Variants in DDX10 observed in about 807,000 individuals in gnomAD.
DDX10 encodes the protein probable ATP-dependent RNA helicase DDX10.
DDX10 carries 74 observed loss-of-function variants against 104.3 expected under a neutral mutation model. The observed-to-expected ratio is 0.71, with a 90% CI of 0.59 to 0.86. The LOEUF (loss-of-function observed/expected upper bound fraction) is 0.86. Ranked by LOEUF, DDX10 falls within the 40% of genes least tolerant of loss-of-function variation. DDX10 has a pLI of 0.00. For missense variants in DDX10, 952 were observed against 1,040.0 expected (o/e 0.92, Z 1.16); for synonymous variants, 351 against 353.4 (o/e 0.99, Z 0.08).
intron 16 of DDX10, among the ~76,000 whole-genome samples, chr11:108,889,193 T>A (rs562952968): frequency 6.6e-6 from 1 of 152,328 alleles, no homozygotes; most frequent in Non-Finnish European, 1.5e-5. Flanking sequence ...AGAATAAAGC[T>A]GAAATCTGTA....
intron 13 of DDX10, among the ~76,000 whole-genome samples, chr11:108,825,498 G>A (rs1315624243): frequency 1.3e-5 from 2 of 152,108 alleles, no homozygotes; most frequent in African/African-American, 2.4e-5. Context: ...ATCAATAGAG[G>A]TTTTGCCTTA....
chr11:108,673,658 A>G (rs767810604), intron 2 of DDX10, 131 bp downstream of exon 2: 2 of 632,732 alleles, frequency 3.2e-6, no homozygotes, highest in Non-Finnish European at 5.6e-6. Flanking sequence ...ACCAATGAAA[A>G]TAAGCAATAT....
chr11:108,853,867 A>T (rs1862829014), intron 16 of DDX10, among the ~76,000 whole-genome samples: 1 of 152,216 alleles, frequency 6.6e-6, no homozygotes, highest in South Asian at 2.1e-4. Flanking sequence ...TGTAACCACT[A>T]AGCATCGGAC....
At position 108,730,325 on chromosome 11, in the gene DDX10, A is replaced by G. The variant is rs570442117; in HGVS notation, c.1965+6863A>G. Reference sequence around the variant, plus strand: ...AGACAGGTTTTCCCTTATGACTGAAAGTCTCGTAGAAAAGTGACAACTCGG... The same window carrying G: ...AGACAGGTTTTCCCTTATGACTGAAGGTCTCGTAGAAAAGTGACAACTCGG... On this transcript the variant is annotated intron_variant, in intron 13 of 17. Transcript: ENST00000322536. Among the ~76,000 whole-genome samples, 42 of 152,360 alleles carry G rather than the reference A, an allele frequency of 2.8e-4. No individual in the cohort carries two copies. In the South Asian group the frequency reaches 8.5e-3, roughly 31 times the overall value.
At chr11:108,791,190 G>C (rs1861866402) in intron 13 of DDX10, among the ~76,000 whole-genome samples, 1 of 152,204 alleles carries the variant, frequency 6.6e-6, no homozygotes, top group African/African-American at 2.4e-5. Context: ...CTACCATGCT[G>C]TGGGAAAAAG....
chr11:108,867,088 G>A (rs1001938904), intron 16 of DDX10, among the ~76,000 whole-genome samples: 3 of 152,050 alleles, frequency 2.0e-5, no homozygotes, highest in Non-Finnish European at 2.9e-5. Context: ...CAATAAGTGG[G>A]GTCAAATGTG....
chr11:108,717,331 C>T lies in DDX10; in HGVS notation c.1410+1365C>T, dbSNP rs550771675. ...TTTTTTTGTTTGTTTGTTTTTGATA[C>T]GCAGTTTCGCTTTTATTATCCAGGC... On this transcript the variant is annotated intron_variant, in intron 11 of 17. Transcript: ENST00000322536. Among the ~76,000 whole-genome samples the T allele has an allele frequency of 1.9e-3, 291 of 152,278 alleles. 1 individual carries two copies. Among genetic ancestry groups the T allele is most frequent in the Non-Finnish European group, 3.8e-3 (258 of 68,024 alleles).
intron 12 of DDX10, among the ~76,000 whole-genome samples, chr11:108,720,327 A>G (rs186579528): frequency 2.3e-3 from 349 of 152,312 alleles, no homozygotes; most frequent in Non-Finnish European, 3.2e-3. Context: ...ATTCTTTGAA[A>G]TCTTTAAGTG....
intron 16 of DDX10, among the ~76,000 whole-genome samples, chr11:108,854,252 A>T (rs1315260806): frequency 6.6e-6 from 1 of 152,168 alleles, no homozygotes; most frequent in African/African-American, 2.4e-5. Context: ...CCCAGAAGAG[A>T]TTATTTGGAA....
chr11:108,837,607 C>CTT (rs142381520), intron 13 of DDX10, among the ~76,000 whole-genome samples: 601 of 34,742 alleles, frequency 0.017, 209 homozygotes, highest in African/African-American at 0.025. Flanking sequence ...TTGGATACAG[C>CTT]TTTTTTTTTT....
chr11:108,769,267 A>G (rs1221453231), intron 13 of DDX10, among the ~76,000 whole-genome samples: 6 of 149,480 alleles, frequency 4.0e-5, no homozygotes, highest in Admixed American at 6.7e-5. Flanking sequence ...TCTCTTTTTC[A>G]TATTTTTATT....
intron 15 of DDX10, among the ~76,000 whole-genome samples, chr11:108,846,496 T>G (rs1674401933): frequency 6.6e-6 from 1 of 152,212 alleles, no homozygotes. Context: ...TTACGAAGTC[T>G]GCTTCTATGA....
At chr11:108,891,944 G>C (rs570690175) in intron 16 of DDX10, among the ~76,000 whole-genome samples, 1 of 152,278 alleles carries the variant, frequency 6.6e-6, no homozygotes, top group Non-Finnish European at 1.5e-5. Context: ...TCCTCAATTT[G>C]TTAGTATTAT....
intron 4 of DDX10, among the ~76,000 whole-genome samples, chr11:108,677,784 A>G (rs2094227902): frequency 6.6e-6 from 1 of 151,420 alleles, no homozygotes; most frequent in Non-Finnish European, 1.5e-5. Flanking sequence ...GCACAAAAGA[A>G]GAAAGAATAG....
chr11:108,927,391 T>C lies in DDX10; in HGVS notation c.2450+9373T>C, dbSNP rs530378120. Among the ~76,000 whole-genome samples the C allele has an allele frequency of 3.9e-5, 6 of 152,340 alleles. No homozygotes were observed. The South Asian group carries it at 1.0e-3, about 26-fold the overall frequency. ...CTCTGAAATGAGGCATATGCCACTT[T>C]CTGGCCGCACAGTCTCTTGTTCAGA... On this transcript the variant is annotated intron_variant, in intron 17 of 17. Coordinates refer to ENST00000322536, the MANE Select transcript of DDX10 (RefSeq NM_004398.4).
At chr11:108,742,434 G>A (rs1367174833) in intron 13 of DDX10, among the ~76,000 whole-genome samples, 3 of 151,542 alleles carry the variant, frequency 2.0e-5, no homozygotes, top group African/African-American at 7.3e-5. Flanking sequence ...GTGTGGTGAC[G>A]TGCACCTGTC....
At position 108,833,427 on chromosome 11, in the gene DDX10, T is replaced by C. The variant is rs145371346; in HGVS notation, c.1966-5019T>C. ...TCACTATGTAGTATGATGCCTTGGATGGCGCTGACATTTGCAGCATCTTTG... is the reference window on the plus strand; with the variant it reads ...TCACTATGTAGTATGATGCCTTGGACGGCGCTGACATTTGCAGCATCTTTG... On this transcript the variant is annotated intron_variant, in intron 13 of 17. Transcript: ENST00000322536. 4.4e-4 allele frequency among the ~76,000 whole-genome samples: 67 copies of C among 152,376 alleles called. 1 individual carries two copies. In the Middle Eastern group the frequency reaches 0.024, roughly 54 times the overall value.
intron 16 of DDX10, among the ~76,000 whole-genome samples, chr11:108,895,537 A>T (rs1427792810): frequency 6.6e-6 from 1 of 152,084 alleles, no homozygotes; most frequent in African/African-American, 2.4e-5. Flanking sequence ...AATACATATC[A>T]ATATTGATTT....
intron 11 of DDX10, among the ~76,000 whole-genome samples, chr11:108,718,300 G>C (rs984811051): frequency 1.3e-5 from 2 of 152,136 alleles, no homozygotes; most frequent in Admixed American, 6.5e-5. Context: ...GCATCAAATG[G>C]TAAGCTATAC....
Sources: allele counts gnomAD v4.1 joint callset (sites outside exome capture counted in the v4.1 genomes callset), GRCh38; gene constraint gnomAD v4.1.1; transcripts MANE v1.5; gene names NCBI Gene and HGNC (gene_info 2026-07-23, HGNC 2026-07-21).